The following LCP2 variants were observed in gnomAD, a reference collection of about 807,000 sequenced individuals.
LCP2 encodes lymphocyte cytosolic protein 2, also known as 76 kDa tyrosine phosphoprotein.
A neutral mutation model predicts 74.5 loss-of-function variants in LCP2; 29 were observed. That is an observed-to-expected ratio of 0.39 (90% CI 0.29 to 0.53). The LOEUF is 0.53. Ranked by LOEUF, LCP2 falls within the 20% of genes least tolerant of loss-of-function variation. LCP2 has a pLI of 0.72. For missense variants in LCP2, 604 were observed against 634.6 expected (o/e 0.95, Z 0.52); for synonymous variants, 228 against 229.5 (o/e 0.99, Z 0.06).
intron 3 of LCP2, among the ~76,000 whole-genome samples, chr5:170,286,879 C>T (rs559767807): frequency 1.3e-5 from 2 of 152,266 alleles, no homozygotes; most frequent in Admixed American, 6.5e-5. Flanking sequence ...AGAGAAGGGT[C>T]CTTATAGAAT....
At chr5:170,276,087 C>T (rs1231249929) in intron 3 of LCP2, among the ~76,000 whole-genome samples, 2 of 152,186 alleles carry the variant, frequency 1.3e-5, no homozygotes. Flanking sequence ...GCCCTCTCTC[C>T]TCCTTGCTGA....
intron 1 of LCP2, among the ~76,000 whole-genome samples, chr5:170,295,352 C>T (rs1434323734): frequency 6.6e-6 from 1 of 152,234 alleles, no homozygotes; most frequent in African/African-American, 2.4e-5. Flanking sequence ...GGTAAAAGGG[C>T]AGAAGGAACA....
chr5:170,277,704 A>G (rs1335380767), intron 3 of LCP2, among the ~76,000 whole-genome samples: 1 of 147,878 alleles, frequency 6.8e-6, no homozygotes, highest in Non-Finnish European at 1.5e-5. Flanking sequence ...AGATCACGCC[A>G]CTGCACTCCA....
At chr5:170,258,999 T>TAC in intron 14 of LCP2, 121 bp from the exon 15 acceptor site, 1 of 671,682 alleles carries the variant, frequency 1.5e-6, no homozygotes, top group Non-Finnish European at 2.6e-6. Context: ...CTGGCAGTTA[T>TAC]ACATCTTCAT....
intron 1 of LCP2, among the ~76,000 whole-genome samples, chr5:170,294,723 A>G (rs1762343778): frequency 6.6e-6 from 1 of 152,226 alleles, no homozygotes; most frequent in African/African-American, 2.4e-5. Context: ...CATCCCATCT[A>G]TGGAGCCCTG....
intron 3 of LCP2, among the ~76,000 whole-genome samples, chr5:170,285,094 G>A (rs953908805): frequency 6.6e-6 from 1 of 152,014 alleles, no homozygotes; most frequent in African/African-American, 2.4e-5. Context: ...TTTTTTCTCT[G>A]TGAGTTTCAA....
At chr5:170,271,063 G>GA in intron 6 of LCP2, 146 bp from the exon 7 acceptor site, 1 of 647,604 alleles carries the variant, frequency 1.5e-6, no homozygotes, top group Non-Finnish European at 2.5e-6. Context: ...TTTTACAGAT[G>GA]AGGAATCTGA....
chr5:170,268,453 G>T lies in LCP2; in HGVS notation c.553C>A (p.Gln185Lys). ...DRPPSGKTPQ[Q>K]PPVPPQRPMA... ...GGTCTCTGGGGGGGCACAGGAGGCT[G>T]CTGGGGGGTTTTCCCAGAGGGGGGC... is the stretch of plus-strand genomic sequence containing the variant. The change falls in exon 8 of 21, where the codon CAG (glutamine) becomes AAG (lysine). Residue 185 changes from glutamine to lysine, a missense_variant. Coordinates refer to ENST00000046794, the MANE Select transcript of LCP2 (RefSeq NM_005565.5). The T allele has an allele frequency of 3.0e-6, 1 of 329,226 alleles. No homozygotes were observed. Among genetic ancestry groups the T allele is most frequent in the East Asian group, 1.1e-4 (1 of 8,902 alleles). 20.4% of individuals were successfully genotyped at this position (329,226 alleles called of 1,614,324 possible). A position where few individuals can be genotyped will look rare whatever the true frequency, so the allele number is the denominator to read the frequency against.
chr5:170,289,716 TC>T (rs1346747227), intron 2 of LCP2, among the ~76,000 whole-genome samples: 43 of 123,046 alleles, frequency 3.5e-4, no homozygotes, highest in East Asian at 7.0e-4. Flanking sequence ...TTTCTTTCTT[TC>T]CTTTCCTTTC....
chr5:170,256,469 G>A lies in LCP2; in HGVS notation c.1150+57C>T. The A allele has an allele frequency of 1.5e-6, 2 of 1,340,090 alleles. No homozygotes were observed. The highest frequency in any genetic ancestry group is 2.2e-6 in the Non-Finnish European group (2 of 930,108). The allele number at this position is 1,340,090 out of a possible 1,614,324, so 83.0% of individuals were successfully genotyped here. On this transcript the variant is annotated intron_variant, in intron 17 of 20. Transcript: ENST00000046794. The surrounding 1 kb of genome is among the most constrained non-coding windows in gnomAD (Gnocchi z 4.5). Reference sequence around the variant, plus strand: ...TCGAAAGCTTTTGGGACAGGTTAGGGATCCAGTCATAAAGGCTTGATGGCT... The same window carrying A: ...TCGAAAGCTTTTGGGACAGGTTAGGAATCCAGTCATAAAGGCTTGATGGCT...
intron 20 of LCP2, among the ~76,000 whole-genome samples, chr5:170,250,300 A>G (rs1761406061): frequency 2.0e-5 from 3 of 152,210 alleles, no homozygotes; most frequent in Non-Finnish European, 4.4e-5. Context: ...CCAAACCTCC[A>G]TTTTGTTAAG....
intron 9 of LCP2, 22 bp downstream of exon 9, chr5:170,266,987 A>G (rs375982155): frequency 1.2e-4 from 196 of 1,613,728 alleles, no homozygotes; most frequent in Non-Finnish European, 1.6e-4. Flanking sequence ...ACAGGGCAAG[A>G]GAGAGCAGCC....
Position 170,258,176 on chromosome 5 carries a change from AG to A in LCP2, c.971-11del, listed in dbSNP as rs764962787. On this transcript the variant is annotated splice_polypyrimidine_tract_variant and intron_variant, in intron 15 of 20. Transcript: ENST00000046794. ...AAAGGTCTCTGATGCACTGTGCAGA[AG>A]TAGAAAACAATGAATGAGATTGGCA... The A allele has an allele frequency of 5.6e-6, 9 of 1,613,616 alleles. No individual in the cohort carries two copies. The African/African-American group carries it at 1.2e-4, about 22-fold the overall frequency.
Position 170,268,367 on chromosome 5 carries a change from G to T in LCP2, c.621+18C>A. 1.7e-5 allele frequency: 9 copies of T among 540,402 alleles called. No individual in the cohort carries two copies. Among genetic ancestry groups the T allele is most frequent in the Non-Finnish European group, 2.3e-5 (9 of 384,308 alleles). 33.5% of individuals were successfully genotyped at this position (540,402 alleles called of 1,614,324 possible). A position where few individuals can be genotyped will look rare whatever the true frequency, so the allele number is the denominator to read the frequency against. The stretch of plus-strand genomic sequence containing the variant: ...GCAGTGGACACCAAGTACTGTAAAA[G>T]AACGGGAGGAGGCCTACCGAGTGAT... On this transcript the variant is annotated intron_variant, in intron 8 of 20. Transcript: ENST00000046794.
intron 15 of LCP2, chr5:170,258,368 T>G: frequency 1.9e-6 from 1 of 518,916 alleles, no homozygotes; most frequent in Non-Finnish European, 3.4e-6. Context: ...AGAATCCATT[T>G]ACAAAGGGGC....
chr5:170,282,566 ATTC>A (rs1359483601), intron 3 of LCP2, among the ~76,000 whole-genome samples: 4 of 152,182 alleles, frequency 2.6e-5, no homozygotes, highest in African/African-American at 9.7e-5. Context: ...TGTCCTCTCT[ATTC>A]TTTAATTCCT....
chr5:170,290,956 GAAA>G (rs1762278895), intron 2 of LCP2, among the ~76,000 whole-genome samples: 1 of 21,500 alleles, frequency 4.7e-5, no homozygotes, highest in African/African-American at 1.3e-4. Flanking sequence ...AGAAAGAAAA[GAAA>G]GAAAGAAAGA....
chr5:170,271,941 G>A (rs1385950274), intron 6 of LCP2, among the ~76,000 whole-genome samples: 4 of 152,162 alleles, frequency 2.6e-5, no homozygotes, highest in African/African-American at 7.2e-5. Context: ...TTGACTTGAG[G>A]AATATTAAAA....
chr5:170,276,887 C>G (rs1301846085), intron 3 of LCP2, among the ~76,000 whole-genome samples: 1 of 151,874 alleles, frequency 6.6e-6, no homozygotes, highest in African/African-American at 2.4e-5. Flanking sequence ...ACCATCCTGG[C>G]CAACATGGTG....
Sources: allele counts gnomAD v4.1 joint callset (sites outside exome capture counted in the v4.1 genomes callset), GRCh38; gene constraint gnomAD v4.1.1; non-coding constraint Gnocchi (gnomAD v3.1); transcripts MANE v1.5; gene names NCBI Gene and HGNC (gene_info 2026-07-23, HGNC 2026-07-21).